SMO: variants seen among roughly 807,000 people sequenced by gnomAD.
The protein encoded by SMO is smoothened, frizzled class receptor.
SMO carries 40 observed loss-of-function variants against 81.6 expected under a neutral mutation model. That is an observed-to-expected ratio of 0.49 (90% confidence interval 0.38 to 0.64). The LOEUF (loss-of-function observed/expected upper bound fraction) is 0.64. Among genes scored for constraint, SMO ranks in the 30% least tolerant of loss-of-function variants. The pLI, the probability that SMO is intolerant of heterozygous loss-of-function variation, is 0.00. For missense variants in SMO, 916 were observed against 1,061.1 expected, an observed-to-expected ratio of 0.86 and a Z score of 1.90; for synonymous variants, 434 against 432.1, an observed-to-expected ratio of 1.00 and a Z score of -0.05.
rs1793455953 is a variant in SMO, at chr7:129,189,702, A to G, written c.331+220A>G. ...CAAGGAAGTTGACGAAGCGGGTCAC[A>G]AAGGGCCTGAGCTGGTGGGTGAGCA... On this transcript the variant is annotated intron_variant, in intron 1 of 11. Coordinates refer to ENST00000249373, the MANE Select transcript of SMO (RefSeq NM_005631.5). The surrounding 1 kb of genome is among the most constrained non-coding windows in gnomAD (Gnocchi z 4.7). Among the ~76,000 whole-genome samples the G allele has an allele frequency of 6.6e-6, 1 of 152,160 alleles. No homozygotes were observed. The highest frequency in any genetic ancestry group is 2.4e-5 in the African/African-American group (1 of 41,450).
chr7:129,205,793 T>TG lies in SMO; in HGVS notation c.920+15dup. On this transcript the variant is annotated intron_variant, in intron 4 of 11. Coordinates refer to ENST00000249373, the MANE Select transcript of SMO (RefSeq NM_005631.5). The stretch of plus-strand genomic sequence containing the variant: ...GCTTGGGGAGCCCACGTAGGTGTCT[T>TG]GGGGACCCAGAGGTGAAGGTACAGG... 6.3e-7 allele frequency: 1 copy of TG among 1,599,720 alleles called. No individual in the cohort carries two copies. The highest frequency in any genetic ancestry group is 8.5e-7 in the Non-Finnish European group (1 of 1,176,790).
chr7:129,193,758 CAAAA>C (rs35934044), intron 1 of SMO, among the ~76,000 whole-genome samples: 5 of 7,448 alleles, frequency 6.7e-4, no homozygotes, highest in Non-Finnish European at 8.2e-4. Context: ...GACTCCATCT[CAAAA>C]AAAAAAAAAA....
At chr7:129,190,672 T>C (rs1196381795) in intron 1 of SMO, among the ~76,000 whole-genome samples, 1 of 152,220 alleles carries the variant, frequency 6.6e-6, no homozygotes, top group Non-Finnish European at 1.5e-5. Context: ...TTGGTGCAGA[T>C]GCTGGAGGAG....
At position 129,206,790 on chromosome 7, in the gene SMO, G is replaced by C. The variant is rs564515852; in HGVS notation, c.1264+203G>C. On this transcript the variant is annotated intron_variant, in intron 6 of 11. Coordinates refer to ENST00000249373, the MANE Select transcript of SMO (RefSeq NM_005631.5). This position sits in a 1 kb window ranked among gnomAD's most constrained non-coding sequence, Gnocchi z 4.4. ...CGGGACAGCACCTTTGTACTGGCCA[G>C]AAAAATCCATCCCTCTCTCCAGGGC... 6.6e-6 allele frequency among the ~76,000 whole-genome samples: 1 copy of C among 152,290 alleles called. No individual in the cohort carries two copies. The highest frequency in any genetic ancestry group is 1.5e-5 in the Non-Finnish European group (1 of 68,040).
chr7:129,194,697 C>T (rs754697304), intron 1 of SMO, among the ~76,000 whole-genome samples: 10 of 152,124 alleles, frequency 6.6e-5, no homozygotes, highest in Non-Finnish European at 1.2e-4. Flanking sequence ...ATATGCTGTG[C>T]ATATTATTTC....
At position 129,205,428 on chromosome 7, in the gene SMO, G is replaced by T; in HGVS notation, c.747+16G>T. On this transcript the variant is annotated intron_variant, in intron 3 of 11. Transcript: ENST00000249373. ...CTTCACCCTGGTCAGCCGCGGGAGG[G>T]CAGGCCCGGGGGGCCCTCAGCCTGG... The T allele has an allele frequency of 6.2e-7, 1 of 1,602,038 alleles. No individual in the cohort carries two copies. Among genetic ancestry groups the T allele is most frequent in the Non-Finnish European group, 8.5e-7 (1 of 1,173,434 alleles).
intron 1 of SMO, 92 bp from the exon 2 acceptor site, chr7:129,203,292 A>C (rs1793699357): frequency 2.2e-6 from 2 of 922,556 alleles, no homozygotes. Context: ...GATGGGCTGC[A>C]GTGTGGCAAA....
chr7:129,198,157 G>A (rs1793614943), intron 1 of SMO, among the ~76,000 whole-genome samples: 1 of 151,922 alleles, frequency 6.6e-6, no homozygotes, highest in African/African-American at 2.4e-5. Flanking sequence ...TGGCCATATT[G>A]CCCAGGTTGG....
intron 2 of SMO, among the ~76,000 whole-genome samples, chr7:129,204,848 T>TCTACTA (rs61493188): frequency 0.78 from 117,373 of 149,820 alleles, 46,424 homozygotes; most frequent in Middle Eastern, 0.88. Context: ...AAACCCCGTC[T>TCTACTA]AAAATACAAA....
Position 129,207,756 on chromosome 7 carries a change from G to T in SMO, c.1265-1003G>T, listed in dbSNP as rs74493352. On this transcript the variant is annotated intron_variant, in intron 6 of 11. Transcript: ENST00000249373. The stretch of plus-strand genomic sequence containing the variant: ...AAAAATACAAAAGTTGCCTGGGCAG[G>T]GTGGCACATGCCTGTGGTCCTAGCT... 2.1e-3 allele frequency among the ~76,000 whole-genome samples: 318 copies of T among 152,228 alleles called. 2 individuals carry two copies. Among genetic ancestry groups the T allele is most frequent in the African/African-American group, 7.3e-3 (302 of 41,538 alleles).
In SMO at chr7:129,196,978, C is replaced by T. The variant is rs6949621; in HGVS notation, c.332-6406C>T. Among the ~76,000 whole-genome samples the T allele has an allele frequency of 7.5e-3, 1,020 of 135,806 alleles. 16 individuals are homozygous for T. The highest frequency in any genetic ancestry group is 0.027 in the African/African-American group (985 of 36,220). The allele number at this position is 135,806 out of a possible 152,430, so 89.1% of individuals were successfully genotyped here. ...CTTGCAATGAGCCCAGATTGTGCCA[C>T]TGCACTCCAGCCTGGGCAATACAGT... On this transcript the variant is annotated intron_variant, in intron 1 of 11. Transcript: ENST00000249373.
rs1258200617 is a variant in SMO at position 129,212,162 on chromosome 7, A to AC, written c.2081dup (p.Ala695CysfsTer122). ...CCGCTGGCGCCGCCCCCTGAGCTTCACCCCCCTGCCCCTGCCCCCAGTACC... is the reference window on the plus strand; with the variant it reads ...CCGCTGGCGCCGCCCCCTGAGCTTCACCCCCCCTGCCCCTGCCCCCAGTACC... On this transcript the variant is annotated frameshift_variant, in exon 12 of 12. Coordinates refer to ENST00000249373, the MANE Select transcript of SMO (RefSeq NM_005631.5). LOFTEE classifies it high-confidence loss of function. This position sits in a 1 kb window ranked among gnomAD's most constrained non-coding sequence, Gnocchi z 5.0. 2.6e-6 allele frequency: 4 copies of AC among 1,554,838 alleles called. No homozygotes were observed. Among genetic ancestry groups the AC allele is most frequent in the Non-Finnish European group, 3.5e-6 (4 of 1,149,318 alleles).
In SMO at chr7:129,208,055, T is replaced by A. The variant is rs1021090533; in HGVS notation, c.1265-704T>A. Among the ~76,000 whole-genome samples the A allele has an allele frequency of 3.9e-5, 6 of 152,256 alleles. No individual in the cohort carries two copies. The highest frequency in any genetic ancestry group is 8.8e-5 in the Non-Finnish European group (6 of 68,048). On this transcript the variant is annotated intron_variant, in intron 6 of 11. Transcript: ENST00000249373. This position sits in a 1 kb window ranked among gnomAD's most constrained non-coding sequence, Gnocchi z 5.2. The stretch of plus-strand genomic sequence containing the variant: ...ATTACATGTTGAAATGATTTTATTT[T>A]GAATATATTAGGTTTGTAAAATATA...
intron 1 of SMO, among the ~76,000 whole-genome samples, chr7:129,195,579 G>C (rs1028089482): frequency 2.6e-5 from 4 of 152,098 alleles, no homozygotes; most frequent in Non-Finnish European, 4.4e-5. Context: ...ATATATGCTA[G>C]ATATGAGTTT....
Position 129,206,214 on chromosome 7 carries a change from G to A in SMO, c.985G>A (p.Val329Met). ...CGTGTACTACGCCCTGATGGCTGGT[G>A]TGGTTTGGTTTGTGGTCCTCACCTA... ...VIVYYALMAGVVWFVVLTYAW... is the reference protein window; with the variant it reads ...VIVYYALMAGMVWFVVLTYAW... Residue 329 changes from valine (V) to methionine (M), a missense_variant, in exon 5 of 12, where the codon GTG becomes ATG. This residue lies in a region of SMO where 436 missense variants were observed against 570.9 expected (regional missense o/e 0.76). Coordinates refer to ENST00000249373, the MANE Select transcript of SMO (RefSeq NM_005631.5). This position sits in a 1 kb window ranked among gnomAD's most constrained non-coding sequence, Gnocchi z 4.4. 2.5e-6 allele frequency: 4 copies of A among 1,614,076 alleles called. No individual in the cohort carries two copies. Among genetic ancestry groups the A allele is most frequent in the Non-Finnish European group, 2.5e-6 (3 of 1,179,950 alleles).
rs2150638671 is a variant in SMO, at chr7:129,189,534, G to A, written c.331+52G>A. ...GGGCGGGAGGTGCCGCGGTAAGATG[G>A]GGGCACCCTTGGAAAGAACAGGCTC... On this transcript the variant is annotated intron_variant, in intron 1 of 11. Transcript: ENST00000249373. The surrounding 1 kb of genome is among the most constrained non-coding windows in gnomAD (Gnocchi z 4.7). 5.2e-6 allele frequency: 8 copies of A among 1,527,032 alleles called. No individual in the cohort carries two copies. The highest frequency in any genetic ancestry group is 7.0e-6 in the Non-Finnish European group (8 of 1,141,198). The allele number at this position is 1,527,032 out of a possible 1,614,324, so 94.6% of individuals were successfully genotyped here.
At chr7:129,194,242 A>T (rs1793533828) in intron 1 of SMO, among the ~76,000 whole-genome samples, 2 of 152,038 alleles carry the variant, frequency 1.3e-5, no homozygotes, top group African/African-American at 4.8e-5. Context: ...TTATTTGAGA[A>T]ATGGGGTCTT....
rs1314895947 is a variant in SMO, at chr7:129,209,287, A to C, written c.1358-2A>C. 1.3e-6 allele frequency: 2 copies of C among 1,597,644 alleles called. No individual in the cohort carries two copies. Among genetic ancestry groups the C allele is most frequent in the South Asian group, 2.2e-5 (2 of 90,776 alleles). On this transcript the variant is annotated splice_acceptor_variant, in intron 7 of 11. Transcript: ENST00000249373. LOFTEE classifies it high-confidence loss of function. ...GTCCTGTCCTGCCCCTGTCCTCCAC[A>C]GGCATTTTTGGCTTCCTGGCCTTTG...
chr7:129,201,074 C>T (rs1226607087), intron 1 of SMO, among the ~76,000 whole-genome samples: 5 of 151,672 alleles, frequency 3.3e-5, no homozygotes, highest in South Asian at 2.1e-4. Context: ...CGAGACGGGG[C>T]CTTGCTCTGT....
Sources: gnomAD v4.1 joint callset for allele counts (sites outside exome capture counted in the v4.1 genomes callset) on GRCh38, gnomAD v4.1.1 for gene constraint, gnomAD v4.1.1 regional missense constraint, Gnocchi (gnomAD v3.1) non-coding constraint, MANE v1.5 for transcripts, NCBI Gene and HGNC (gene_info 2026-07-23, HGNC 2026-07-21) for gene names.